PROS1: variants seen among roughly 807,000 people sequenced by gnomAD.
PROS1 encodes the protein vitamin K-dependent protein S.
Under a neutral mutation model 75.9 loss-of-function variants are expected in PROS1, and 29 were observed. The ratio of observed to expected loss-of-function variants is 0.38; its 90% CI spans 0.28 to 0.52. PROS1 has a LOEUF of 0.52. Ranked by LOEUF, PROS1 falls within the 20% of genes least tolerant of loss-of-function variation. The pLI, the probability that PROS1 is intolerant of heterozygous loss-of-function variation, is 0.83. For synonymous variants in PROS1, 245 were observed against 280.6 expected (o/e 0.87, Z 1.27); for missense variants, 680 against 810.3 (o/e 0.84, Z 1.95).
intron 3 of PROS1, among the ~76,000 whole-genome samples, chr3:93,914,732 A>C (rs1158613892): frequency 6.6e-6 from 1 of 152,052 alleles, no homozygotes; most frequent in African/African-American, 2.4e-5. Flanking sequence ...TGTATAAGTA[A>C]GTTCTTTAAT....
intron 6 of PROS1, among the ~76,000 whole-genome samples, chr3:93,902,773 A>T (rs1576185207): frequency 6.6e-6 from 1 of 152,030 alleles, no homozygotes; most frequent in Non-Finnish European, 1.5e-5. Context: ...AAGAAGAAGA[A>T]GAAAAGAAAA....
intron 1 of PROS1, among the ~76,000 whole-genome samples, chr3:93,945,176 T>TA (rs1559947034): frequency 6.6e-6 from 1 of 151,708 alleles, no homozygotes; most frequent in African/African-American, 2.4e-5. Flanking sequence ...AGCCTACCAA[T>TA]AAAAAAAAGT....
chr3:93,895,277 G>A (rs1708488000), intron 9 of PROS1, among the ~76,000 whole-genome samples: 1 of 152,124 alleles, frequency 6.6e-6, no homozygotes, highest in Non-Finnish European at 1.5e-5. Flanking sequence ...AGGATCAATT[G>A]TATTCCTAAA....
At chr3:93,973,585 A>C in intron 1 of PROS1, 89 bp downstream of exon 1, 1 of 1,377,868 alleles carries the variant, frequency 7.3e-7, no homozygotes, top group South Asian at 1.2e-5. Flanking sequence ...AGGAGGCTGC[A>C]GCTCTAGAGA....
chr3:93,898,077 A>G (rs1708529918), intron 8 of PROS1, among the ~76,000 whole-genome samples: 1 of 152,082 alleles, frequency 6.6e-6, no homozygotes, highest in Admixed American at 6.5e-5. Context: ...CCAGAAAAGT[A>G]GACACTGGAA....
At chr3:93,968,272 A>G (rs1349984328) in intron 1 of PROS1, among the ~76,000 whole-genome samples, 4 of 152,166 alleles carry the variant, frequency 2.6e-5, no homozygotes, top group African/African-American at 9.7e-5. Context: ...TGTCCTTATA[A>G]AAAGGGGAAA....
At position 93,943,319 on chromosome 3, in the gene PROS1, C is replaced by CA. The variant is rs1709321343; in HGVS notation, c.77-15913dup. On this transcript the variant is annotated intron_variant, in intron 1 of 14. Coordinates refer to ENST00000394236, the MANE Select transcript of PROS1 (RefSeq NM_000313.4). ...AAGTAATTACACTGAACCCCTTGGACACTCTCTAATTGGATGTCCTGGGTC... is the reference window on the plus strand; with the variant it reads ...AAGTAATTACACTGAACCCCTTGGACAACTCTCTAATTGGATGTCCTGGGTC... 2.0e-5 allele frequency among the ~76,000 whole-genome samples: 3 copies of CA among 152,286 alleles called. No homozygotes were observed. In the South Asian group the frequency reaches 6.2e-4, roughly 32 times the overall value.
chr3:93,874,831 C>G (rs1338734550), intron 14 of PROS1, among the ~76,000 whole-genome samples: 2 of 152,184 alleles, frequency 1.3e-5, no homozygotes, highest in African/African-American at 2.4e-5. Context: ...ATCAATATAT[C>G]TCTTTTATTA....
chr3:93,921,854 T>A (rs1018765767), intron 3 of PROS1, among the ~76,000 whole-genome samples: 6 of 152,250 alleles, frequency 3.9e-5, no homozygotes, highest in Non-Finnish European at 8.8e-5. Flanking sequence ...GTGCTTTTGT[T>A]AATGCTCACT....
chr3:93,893,142 A>G lies in PROS1; in HGVS notation c.966-20T>C. On this transcript the variant is annotated intron_variant, in intron 9 of 14. Transcript: ENST00000394236. ...GAAAATCTAAACAATGGACAAAGAGAGATCCTTAAGAGTAAGAAATACAGA... is the reference window on the plus strand; with the variant it reads ...GAAAATCTAAACAATGGACAAAGAGGGATCCTTAAGAGTAAGAAATACAGA... 1 of 1,590,398 alleles carries G rather than the reference A, an allele frequency of 6.3e-7. No individual in the cohort carries two copies. Among genetic ancestry groups the G allele is most frequent in the Non-Finnish European group, 8.6e-7 (1 of 1,162,826 alleles).
chr3:93,904,516 G>A (rs1372148039), intron 6 of PROS1, among the ~76,000 whole-genome samples: 1 of 152,148 alleles, frequency 6.6e-6, no homozygotes, highest in Non-Finnish European at 1.5e-5. Context: ...TATTCAGTAA[G>A]AGATGGATGA....
intron 1 of PROS1, among the ~76,000 whole-genome samples, chr3:93,955,958 A>G (rs1345150720): frequency 6.6e-6 from 1 of 152,310 alleles, no homozygotes; most frequent in Non-Finnish European, 1.5e-5. Context: ...TTGGTTTACT[A>G]TTTGACTCTA....
At chr3:93,906,220 A>T (rs1394673105) in intron 4 of PROS1, 77 bp from the exon 5 acceptor site, 7 of 1,512,786 alleles carry the variant, frequency 4.6e-6, no homozygotes, top group African/African-American at 1.4e-5. Context: ...TATAATAAAA[A>T]TCCTGAAGCC....
intron 3 of PROS1, among the ~76,000 whole-genome samples, chr3:93,920,740 A>C (rs970351563): frequency 6.6e-6 from 1 of 152,082 alleles, no homozygotes; most frequent in Non-Finnish European, 1.5e-5. Context: ...ATTAGGTATA[A>C]TGTTTACTGC....
At chr3:93,878,273 G>A (rs1708220058) in intron 13 of PROS1, among the ~76,000 whole-genome samples, 1 of 152,002 alleles carries the variant, frequency 6.6e-6, no homozygotes, top group African/African-American at 2.4e-5. Flanking sequence ...CTTAAAGGCA[G>A]GAGATTAAAA....
At chr3:93,944,990 C>T (rs1434248163) in intron 1 of PROS1, among the ~76,000 whole-genome samples, 2 of 151,922 alleles carry the variant, frequency 1.3e-5, no homozygotes, top group African/African-American at 4.8e-5. Context: ...GGGATAACAC[C>T]ACCGATCCCA....
intron 1 of PROS1, among the ~76,000 whole-genome samples, chr3:93,947,293 G>T (rs1301404880): frequency 1.3e-5 from 2 of 152,110 alleles, no homozygotes; most frequent in Non-Finnish European, 2.9e-5. Flanking sequence ...ATCAACAGAT[G>T]CTGAGAATAA....
intron 12 of PROS1, among the ~76,000 whole-genome samples, chr3:93,880,180 A>G (rs762488620): frequency 6.6e-6 from 1 of 152,198 alleles, no homozygotes; most frequent in Non-Finnish European, 1.5e-5. Context: ...ATATAATGTC[A>G]CTGTTTTTCA....
chr3:93,886,820 G>T (rs2107140771), intron 10 of PROS1, among the ~76,000 whole-genome samples: 1 of 151,898 alleles, frequency 6.6e-6, no homozygotes, highest in Non-Finnish European at 1.5e-5. Context: ...TAACAATTAA[G>T]TGAGCCATTC....
Sources: gnomAD v4.1 joint callset for allele counts (sites outside exome capture counted in the v4.1 genomes callset) on GRCh38, gnomAD v4.1.1 for gene constraint, MANE v1.5 for transcripts, NCBI Gene and HGNC (gene_info 2026-07-23, HGNC 2026-07-21) for gene names.